Variants in GAREM1 observed in about 807,000 individuals in gnomAD.
GAREM1 encodes GRB2 associated regulator of MAPK1 subtype 1, also known as GRB2-associated and regulator of MAPK protein 1.
GAREM1 carries 26 observed loss-of-function variants against 71.3 expected under a neutral mutation model. That is an observed-to-expected ratio of 0.36 (90% CI 0.27 to 0.51). The LOEUF is 0.51. GAREM1 is among the 20% of genes least tolerant of loss of function. GAREM1 has a pLI of 0.95. For missense variants in GAREM1, 1,026 were observed against 1,103.1 expected, an observed-to-expected ratio of 0.93 and a Z score of 0.99; for synonymous variants, 440 against 433.2, an observed-to-expected ratio of 1.02 and a Z score of -0.20.
chr18:32,275,956 T>A (rs1344077684), intron 4 of GAREM1, among the ~76,000 whole-genome samples: 4 of 152,228 alleles, frequency 2.6e-5, no homozygotes, highest in Non-Finnish European at 5.9e-5. Context: ...ATTACAGGCG[T>A]GAGCCACCGT....
rs780583752 is a variant in GAREM1 at position 32,392,935 on chromosome 18, A to G, written c.222T>C (p.Tyr74=). The G allele has an allele frequency of 1.2e-6, 2 of 1,613,916 alleles. No homozygotes were observed. Among genetic ancestry groups the G allele is most frequent in the South Asian group, 1.1e-5 (1 of 91,072 alleles). ...GAATCTCTATCTTTGGCCCAATGAC[A>G]TAGTGACCCTCCTCCAAGCTGTGGG... ...ITAHSLEEGH[Y]VIGPKIEIPV... is the part of the protein sequence containing the mutation. Residue 74 remains tyrosine, a synonymous_variant, in exon 2 of 6, where the codon TAT becomes TAC. Coordinates refer to ENST00000269209, the MANE Select transcript of GAREM1 (RefSeq NM_001242409.2).
chr18:32,298,762 C>G (rs2047168495), intron 3 of GAREM1, among the ~76,000 whole-genome samples: 1 of 151,970 alleles, frequency 6.6e-6, no homozygotes, highest in Non-Finnish European at 1.5e-5. Context: ...AATTCCAACT[C>G]ATAAGATAAA....
chr18:32,452,659 T>C (rs2048850970), intron 1 of GAREM1, among the ~76,000 whole-genome samples: 1 of 152,176 alleles, frequency 6.6e-6, no homozygotes, highest in Non-Finnish European at 1.5e-5. Flanking sequence ...GAGTATCACA[T>C]GTATTCATCT....
chr18:32,455,204 T>C (rs1253557133), intron 1 of GAREM1, among the ~76,000 whole-genome samples: 1 of 152,186 alleles, frequency 6.6e-6, no homozygotes, highest in African/African-American at 2.4e-5. Context: ...TGCCCTACAT[T>C]GTTTTTTTTC....
At chr18:32,387,547 T>C (rs542986555) in intron 2 of GAREM1, among the ~76,000 whole-genome samples, 2 of 152,368 alleles carry the variant, frequency 1.3e-5, no homozygotes, top group African/African-American at 4.8e-5. Flanking sequence ...CTAAACACTA[T>C]GTCAATTTTT....
chr18:32,358,062 T>C (rs947141817), intron 2 of GAREM1, among the ~76,000 whole-genome samples: 1 of 152,010 alleles, frequency 6.6e-6, no homozygotes, highest in Non-Finnish European at 1.5e-5. Flanking sequence ...GACAAGCTAT[T>C]ACCCCTTAGT....
At chr18:32,291,317 CA>C (rs548179742) in intron 3 of GAREM1, among the ~76,000 whole-genome samples, 2,817 of 76,964 alleles carry the variant, frequency 0.037, 65 homozygotes, top group African/African-American at 0.097. Context: ...TTTTTGTTAC[CA>C]AAAAAAAAAA....
intron 1 of GAREM1, among the ~76,000 whole-genome samples, chr18:32,415,585 A>G (rs2048458874): frequency 6.6e-6 from 1 of 152,176 alleles, no homozygotes; most frequent in Non-Finnish European, 1.5e-5. Flanking sequence ...AAATCAATCA[A>G]TGTGACACAT....
intron 2 of GAREM1, among the ~76,000 whole-genome samples, chr18:32,385,109 G>T (rs1339156922): frequency 4.0e-5 from 6 of 151,400 alleles, no homozygotes; most frequent in African/African-American, 9.7e-5. Context: ...AGATTTCTCA[G>T]ATTCCATTAT....
chr18:32,426,505 A>G (rs1320809872), intron 1 of GAREM1, among the ~76,000 whole-genome samples: 2 of 152,104 alleles, frequency 1.3e-5, no homozygotes, highest in Admixed American at 1.3e-4. Flanking sequence ...CTTATGCCTC[A>G]CTCTATTATA....
chr18:32,376,927 CATG>C (rs1266534807), intron 2 of GAREM1, among the ~76,000 whole-genome samples: 8 of 152,324 alleles, frequency 5.3e-5, no homozygotes, highest in African/African-American at 1.9e-4. Flanking sequence ...AGGACACTTA[CATG>C]ATGTTTAGTA....
At chr18:32,295,949 C>T (rs1018913207) in intron 3 of GAREM1, among the ~76,000 whole-genome samples, 4 of 151,296 alleles carry the variant, frequency 2.6e-5, no homozygotes, top group Non-Finnish European at 5.9e-5. Flanking sequence ...AATTTAAATA[C>T]ATTTTAGCTT....
At chr18:32,452,562 G>A (rs17744182) in intron 1 of GAREM1, among the ~76,000 whole-genome samples, 6,612 of 152,184 alleles carry the variant, frequency 0.043, 501 homozygotes, top group East Asian at 0.34. Flanking sequence ...TGGCCTCTGG[G>A]CTGAAGCATT....
intron 1 of GAREM1, among the ~76,000 whole-genome samples, chr18:32,458,515 T>C (rs2048919268): frequency 2.6e-5 from 4 of 152,036 alleles, no homozygotes; most frequent in Non-Finnish European, 4.4e-5. Flanking sequence ...TATTAATACT[T>C]ATGAACATTG....
At position 32,264,614 on chromosome 18, in the gene GAREM1, T is replaced by C. The variant is rs946438669; in HGVS notation, c.*3257A>G. On this transcript the variant is annotated 3_prime_UTR_variant, in exon 6 of 6. Transcript: ENST00000269209. ...CATGAGACAAGAATAAACACTGCAA[T>C]TTAGCTGAATGGGCAGTTCACTGCA... is the stretch of plus-strand genomic sequence containing the variant. 7 of 152,204 alleles carry C rather than the reference T, an allele frequency of 4.6e-5. No individual in the cohort carries two copies. Among genetic ancestry groups the C allele is most frequent in the African/African-American group, 1.7e-4 (7 of 41,458 alleles). The allele number at this position is 152,204 out of a possible 1,614,324, so 9.4% of individuals were successfully genotyped here.
Position 32,268,357 on chromosome 18 carries a change from C to T in GAREM1, c.2145G>A (p.Val715=), listed in dbSNP as rs759589110. 6 of 1,614,160 alleles carry T rather than the reference C, an allele frequency of 3.7e-6. No individual in the cohort carries two copies. Among genetic ancestry groups the T allele is most frequent in the South Asian group, 1.1e-5 (1 of 91,078 alleles). The change falls in exon 6 of 6, where the codon GTG becomes GTA. Residue 715 remains valine, a synonymous_variant. Coordinates refer to ENST00000269209, the MANE Select transcript of GAREM1 (RefSeq NM_001242409.2). ...CAGGGCATGACGTACTCTGCTTTGT[C>T]ACACCAGCTGCAAGAGATTTCACAT... ...STDVKSLAAG[V]TKQSTSCPAL... is the part of the protein sequence containing the mutation.
chr18:32,459,018 A>C (rs925708443), intron 1 of GAREM1, among the ~76,000 whole-genome samples: 1 of 152,162 alleles, frequency 6.6e-6, no homozygotes, highest in Non-Finnish European at 1.5e-5. Flanking sequence ...GTCTCGCAAC[A>C]GTCAAATAAA....
chr18:32,452,592 A>G (rs985881189), intron 1 of GAREM1, among the ~76,000 whole-genome samples: 7 of 152,230 alleles, frequency 4.6e-5, no homozygotes, highest in African/African-American at 1.7e-4. Context: ...ATCACATGAC[A>G]GTATTTAATT....
Position 32,268,510 on chromosome 18 carries a change from G to A in GAREM1, c.1992C>T (p.Asn664=). The change falls in exon 6 of 6, where the codon AAC becomes AAT. Residue 664 remains asparagine (N), a synonymous_variant. Coordinates refer to ENST00000269209, the MANE Select transcript of GAREM1 (RefSeq NM_001242409.2). ...CATCAAAATCAAAAGGTGCTGGGCA[G>A]TTTCTCTTTGGTGTGCCTGGCGTCT... ...RQKTPGTPKR[N]CPAPFDFDGC... 6.2e-7 allele frequency: 1 copy of A among 1,614,186 alleles called. No individual in the cohort carries two copies. The highest frequency in any genetic ancestry group is 8.5e-7 in the Non-Finnish European group (1 of 1,180,028).
Sources: allele counts gnomAD v4.1 joint callset (sites outside exome capture counted in the v4.1 genomes callset), GRCh38; gene constraint gnomAD v4.1.1; transcripts MANE v1.5; gene names NCBI Gene and HGNC (gene_info 2026-07-23, HGNC 2026-07-21).